The following LRRC2 variants were observed in gnomAD, a reference collection of about 807,000 sequenced individuals.
LRRC2 encodes the protein leucine rich repeat containing 2, also known as leucine-rich repeat-containing protein 2.
Under a neutral mutation model 40.2 loss-of-function variants are expected in LRRC2, and 27 were observed. The ratio of observed to expected loss-of-function variants is 0.67; its 90% CI spans 0.49 to 0.93. LRRC2 has a LOEUF of 0.93. Ranked by LOEUF, LRRC2 falls within the 40% of genes least tolerant of loss-of-function variation. The pLI, the probability that LRRC2 is intolerant of heterozygous loss-of-function variation, is 0.00. For missense variants in LRRC2, 402 were observed against 439.6 expected (o/e 0.91, Z 0.76); for synonymous variants, 147 against 158.9 (o/e 0.92, Z 0.56).
chr3:46,552,598 A>G (rs770570948), intron 1 of LRRC2, among the ~76,000 whole-genome samples: 16 of 152,044 alleles, frequency 1.1e-4, no homozygotes, highest in Non-Finnish European at 2.1e-4. Flanking sequence ...TTCTTTCCTC[A>G]GTCCGGCTGA....
chr3:46,541,424 G>C (rs918316744), intron 3 of LRRC2, among the ~76,000 whole-genome samples: 1 of 152,002 alleles, frequency 6.6e-6, no homozygotes, highest in Non-Finnish European at 1.5e-5. Flanking sequence ...CAGATTGAAT[G>C]TATGCATGTA....
chr3:46,524,089 A>G (rs1704013977), intron 7 of LRRC2, among the ~76,000 whole-genome samples: 2 of 152,192 alleles, frequency 1.3e-5, no homozygotes, highest in South Asian at 4.1e-4. Context: ...GTTTGATTCT[A>G]AAATTGAAAA....
intron 1 of LRRC2, among the ~76,000 whole-genome samples, chr3:46,556,799 G>A (rs1704810080): frequency 6.6e-6 from 1 of 151,706 alleles, no homozygotes; most frequent in African/African-American, 2.4e-5. Flanking sequence ...GGTTGGTCTC[G>A]AATTTCTGAC....
At chr3:46,562,853 G>A (rs536584025) in intron 1 of LRRC2, among the ~76,000 whole-genome samples, 11 of 151,920 alleles carry the variant, frequency 7.2e-5, no homozygotes, top group Non-Finnish European at 1.3e-4. Context: ...AGCCTCCTGA[G>A]TAGCTGGGAT....
chr3:46,546,172 G>C (rs1404102148), intron 2 of LRRC2, among the ~76,000 whole-genome samples: 1 of 152,240 alleles, frequency 6.6e-6, no homozygotes, highest in African/African-American at 2.4e-5. Context: ...TGCAGGTGCA[G>C]ACTTGGTCTT....
intron 1 of LRRC2, among the ~76,000 whole-genome samples, chr3:46,551,994 T>A (rs575823362): frequency 3.1e-4 from 47 of 152,116 alleles, no homozygotes; most frequent in African/African-American, 1.1e-3. Context: ...GGAGACAGGG[T>A]CTCACTCTAT....
chr3:46,521,705 T>C (rs1317309473), intron 7 of LRRC2, 47 bp from the exon 8 acceptor site: 1 of 1,548,458 alleles, frequency 6.5e-7, no homozygotes, highest in Non-Finnish European at 8.7e-7. Flanking sequence ...CTGTGCGTTT[T>C]AAACTGCAAA....
intron 3 of LRRC2, 91 bp from the exon 4 acceptor site, chr3:46,539,292 G>C: frequency 1.6e-6 from 2 of 1,267,718 alleles, no homozygotes; most frequent in Non-Finnish European, 2.2e-6. Flanking sequence ...AACAGGAAGT[G>C]AGAAAGCAGA....
At chr3:46,548,366 G>A (rs557288101) in intron 2 of LRRC2, among the ~76,000 whole-genome samples, 47 of 152,012 alleles carry the variant, frequency 3.1e-4, no homozygotes, top group African/African-American at 1.1e-3. Flanking sequence ...GATTCCCTCT[G>A]AAACCTGATG....
At chr3:46,535,530 G>A (rs1704254620) in intron 4 of LRRC2, among the ~76,000 whole-genome samples, 1 of 152,130 alleles carries the variant, frequency 6.6e-6, no homozygotes, top group African/African-American at 2.4e-5. Flanking sequence ...GAATTTTAGA[G>A]GTGGCAGATA....
At chr3:46,553,887 C>T (rs746052585) in intron 1 of LRRC2, among the ~76,000 whole-genome samples, 1 of 152,172 alleles carries the variant, frequency 6.6e-6, no homozygotes, top group Non-Finnish European at 1.5e-5. Flanking sequence ...AAAATATGAA[C>T]GTATATAATT....
At chr3:46,551,931 G>A (rs1458418494) in intron 1 of LRRC2, among the ~76,000 whole-genome samples, 1 of 152,010 alleles carries the variant, frequency 6.6e-6, no homozygotes, top group Non-Finnish European at 1.5e-5. Flanking sequence ...CTCCCAAGCA[G>A]CTGGGACTAC....
In LRRC2 at chr3:46,532,821, C is replaced by G. The variant is rs773953756; in HGVS notation, c.579G>C (p.Glu193Asp). ...CTAGATTTCCAGAACAATCCAGTCT[C>G]TCTAGATTTTCACAATCTCCCAATT... ...PPELGDCENL[E>D]RLDCSGNLEL... is the part of the protein sequence containing the mutation. Residue 193 changes from glutamate (E) to aspartate (D), a missense_variant, in exon 5 of 9, where the codon GAG becomes GAC. By Grantham distance (45) the Glu-to-Asp change is conservative. Coordinates refer to ENST00000395905, the MANE Select transcript of LRRC2 (RefSeq NM_024512.5). 5.6e-6 allele frequency: 9 copies of G among 1,613,836 alleles called. No individual in the cohort carries two copies. The highest frequency in any genetic ancestry group is 1.7e-5 in the Admixed American group (1 of 59,998).
chr3:46,536,400 A>G (rs919261231), intron 4 of LRRC2, among the ~76,000 whole-genome samples: 2 of 152,304 alleles, frequency 1.3e-5, no homozygotes, highest in South Asian at 4.1e-4. Flanking sequence ...TTATTGCCTT[A>G]TCTAATCCTC....
intron 4 of LRRC2, among the ~76,000 whole-genome samples, chr3:46,535,118 T>C (rs942134994): frequency 2.0e-5 from 3 of 152,234 alleles, no homozygotes; most frequent in Non-Finnish European, 4.4e-5. Context: ...CTCAAAATAC[T>C]CCATGTTAAT....
chr3:46,528,850 G>A (rs1357479046), intron 6 of LRRC2, among the ~76,000 whole-genome samples: 1 of 152,198 alleles, frequency 6.6e-6, no homozygotes, highest in Non-Finnish European at 1.5e-5. Flanking sequence ...GGTGGCTCAT[G>A]CCTGAAATCC....
intron 6 of LRRC2, 22 bp downstream of exon 6, chr3:46,529,883 A>G: frequency 6.2e-7 from 1 of 1,613,626 alleles, no homozygotes; most frequent in Admixed American, 1.7e-5. Flanking sequence ...CATACACCTC[A>G]CCTTAGAATG....
intron 3 of LRRC2, among the ~76,000 whole-genome samples, 169 bp from the exon 4 acceptor site, chr3:46,539,370 TGTC>T (rs1403512322): frequency 2.0e-5 from 3 of 152,206 alleles, no homozygotes; most frequent in African/African-American, 7.2e-5. Context: ...ACACCGCAGT[TGTC>T]GTCAACTTCA....
chr3:46,550,392 T>C lies in LRRC2; in HGVS notation c.125+1075A>G, dbSNP rs560269798. Among the ~76,000 whole-genome samples the C allele has an allele frequency of 8.3e-5, 12 of 144,824 alleles. No individual in the cohort carries two copies. In the South Asian group the frequency reaches 2.5e-3, roughly 31 times the overall value. The stretch of plus-strand genomic sequence containing the variant: ...CCTTACACATCTTTTTTTTTTTTTT[T>C]TTTTTTTTTGAGACAGAGTCTCGCT... On this transcript the variant is annotated intron_variant, in intron 2 of 8. Coordinates refer to ENST00000395905, the MANE Select transcript of LRRC2 (RefSeq NM_024512.5).
Sources: allele counts gnomAD v4.1 joint callset (sites outside exome capture counted in the v4.1 genomes callset), GRCh38; gene constraint gnomAD v4.1.1; transcripts MANE v1.5; gene names NCBI Gene and HGNC (gene_info 2026-07-23, HGNC 2026-07-21).